Variants in NEBL observed in about 807,000 individuals in gnomAD.
NEBL encodes the protein LIM and SH3 protein 2.
Under a neutral mutation model 140.2 loss-of-function variants are expected in NEBL, and 122 were observed. That is an observed-to-expected ratio of 0.87 (90% CI 0.75 to 1.01). NEBL has a LOEUF of 1.01. NEBL is among the 50% of genes least tolerant of loss of function. NEBL has a pLI of 0.00. For missense variants in NEBL, 1,365 were observed against 1,231.3 expected (o/e 1.11, Z -1.62); for synonymous variants, 436 against 398.9 (o/e 1.09, Z -1.11).
chr10:21,141,572 GTGT>G (rs1252634488), intron 2 of NEBL, among the ~76,000 whole-genome samples: 3 of 152,276 alleles, frequency 2.0e-5, no homozygotes, highest in South Asian at 2.1e-4. Context: ...TAAAGTAAAA[GTGT>G]TGTTGTTTAT....
Position 21,028,254 on chromosome 10 carries a change from A to AAAG in NEBL, c.165-8056_165-8054dup, listed in dbSNP as rs55945604. On this transcript the variant is annotated intron_variant, in intron 2 of 6. Coordinates refer to the NEBL transcript ENST00000417816. ...ACATCTCAAAAAAAAAAAAAAAAAA[A>AAAG]AAGAAGAAGAAGAAGAAGAAGAATG... 4.0e-4 allele frequency among the ~76,000 whole-genome samples: 28 copies of AAAG among 70,320 alleles called. 2 individuals carry two copies. Among genetic ancestry groups the AAAG allele is most frequent in the South Asian group, 7.2e-4 (1 of 1,392 alleles). The allele number at this position is 70,320 out of a possible 152,430, so 46.1% of individuals were successfully genotyped here.
At chr10:21,185,373 G>T (rs964976180) in intron 3 of NEBL, among the ~76,000 whole-genome samples, 1 of 152,032 alleles carries the variant, frequency 6.6e-6, no homozygotes, top group Non-Finnish European at 1.5e-5. Context: ...AACTCCTGGG[G>T]GTCAGGGAGT....
chr10:21,040,933 C>T (rs1011085667), intron 2 of NEBL, among the ~76,000 whole-genome samples: 3 of 152,150 alleles, frequency 2.0e-5, no homozygotes, highest in African/African-American at 7.2e-5. Context: ...ACCTAAGTTT[C>T]CCGAAGCCTC....
upstream of NEBL, chr10:20,897,325 C>A: frequency 6.7e-7 from 1 of 1,493,376 alleles, no homozygotes; most frequent in Non-Finnish European, 8.8e-7. Context: ...CTTGCCCAAG[C>A]CTCAGCCCTA....
intron 4 of NEBL, among the ~76,000 whole-genome samples, chr10:20,926,574 C>A (rs1379491654): frequency 2.0e-5 from 3 of 152,112 alleles, no homozygotes; most frequent in Admixed American, 2.0e-4. Context: ...ACATTCTATT[C>A]CTTAGGGGCA....
At chr10:21,025,009 T>G (rs1264106421) in intron 2 of NEBL, among the ~76,000 whole-genome samples, 1 of 152,200 alleles carries the variant, frequency 6.6e-6, no homozygotes, top group Admixed American at 6.5e-5. Flanking sequence ...AAAATTGTCT[T>G]GAATAGAAAT....
chr10:21,077,202 AT>A (rs1426573177), intron 2 of NEBL, among the ~76,000 whole-genome samples: 1 of 151,964 alleles, frequency 6.6e-6, no homozygotes, highest in Non-Finnish European at 1.5e-5. Flanking sequence ...CTTAAAACTC[AT>A]GCTTAATCTA....
At chr10:21,160,864 G>GA (rs11314209) in intron 2 of NEBL, among the ~76,000 whole-genome samples, 230 of 145,262 alleles carry the variant, frequency 1.6e-3, no homozygotes, top group Admixed American at 4.3e-3. Context: ...TTTCCAGGGG[G>GA]AAAAAAAAAA....
At chr10:21,257,571 T>C (rs1051280984) in intron 1 of NEBL, among the ~76,000 whole-genome samples, 3 of 152,124 alleles carry the variant, frequency 2.0e-5, no homozygotes, top group African/African-American at 7.2e-5. Context: ...TCACAAGAGG[T>C]GACAATCTGG....
At chr10:21,113,251 T>A (rs1589247388) in intron 2 of NEBL, 5 of 248,012 alleles carry the variant, frequency 2.0e-5, no homozygotes, top group Admixed American at 4.9e-5. Context: ...TGGAAAAGAC[T>A]CAAAACCATC....
chr10:20,815,899 G>C, intron 21 of NEBL, 182 bp from the exon 22 acceptor site: 1 of 595,732 alleles, frequency 1.7e-6, no homozygotes, highest in Non-Finnish European at 3.0e-6. Flanking sequence ...CTCCCAGGTA[G>C]CTGGGATTAC....
At chr10:21,068,715 C>T (rs1020057878) in intron 2 of NEBL, among the ~76,000 whole-genome samples, 2 of 152,038 alleles carry the variant, frequency 1.3e-5, no homozygotes, top group African/African-American at 2.4e-5. Context: ...TCACCTGCAA[C>T]CAAAAAGTCC....
chr10:20,978,200 TCC>T (rs1213355528), intron 3 of NEBL, among the ~76,000 whole-genome samples: 1 of 152,174 alleles, frequency 6.6e-6, no homozygotes, highest in Non-Finnish European at 1.5e-5. Flanking sequence ...CCATAAATAT[TCC>T]ATCTTCCCCA....
chr10:20,999,792 G>A (rs1837814951), intron 3 of NEBL, among the ~76,000 whole-genome samples: 2 of 152,066 alleles, frequency 1.3e-5, no homozygotes, highest in African/African-American at 2.4e-5. Context: ...GAAGCCTGTC[G>A]TATTTCTTCA....
At chr10:21,093,057 T>C (rs188749597) in intron 2 of NEBL, among the ~76,000 whole-genome samples, 2 of 152,292 alleles carry the variant, frequency 1.3e-5, no homozygotes, top group Admixed American at 6.5e-5. Context: ...CAATTTATTG[T>C]ATTTTATTTT....
At chr10:21,043,652 C>T (rs899496409) in intron 2 of NEBL, among the ~76,000 whole-genome samples, 1 of 152,134 alleles carries the variant, frequency 6.6e-6, no homozygotes, top group Non-Finnish European at 1.5e-5. Context: ...ATATCATCAC[C>T]TTTCCTAGTG....
rs1834400420 is a variant in NEBL at position 21,044,265 on chromosome 10, T to C, written c.165-24064A>G. Among the ~76,000 whole-genome samples the C allele has an allele frequency of 3.3e-5, 5 of 151,784 alleles. No individual in the cohort carries two copies. The South Asian group carries it at 1.0e-3, about 32-fold the overall frequency. On this transcript the variant is annotated intron_variant, in intron 2 of 6. Transcript: ENST00000417816. Reference sequence around the variant, plus strand: ...TACAAAAATTAGCTGGGCGTGGTGGTGGGCGCCTGTAATCCCAGCAGCTCA... The same window carrying C: ...TACAAAAATTAGCTGGGCGTGGTGGCGGGCGCCTGTAATCCCAGCAGCTCA...
chr10:21,193,701 C>A (rs11012571), intron 3 of NEBL, among the ~76,000 whole-genome samples: 6,542 of 152,226 alleles, frequency 0.043, 480 homozygotes, highest in African/African-American at 0.15. Context: ...TGAGGGCTTA[C>A]TCAAGCACAG....
At chr10:21,277,208 C>CT (rs1260862410) in intron 1 of NEBL, among the ~76,000 whole-genome samples, 19,971 of 133,476 alleles carry the variant, frequency 0.15, 2,718 homozygotes, top group African/African-American at 0.36. Flanking sequence ...ATATTTCTTT[C>CT]TTTTTTTTTT....
Sources: gnomAD v4.1 joint callset for allele counts (sites outside exome capture counted in the v4.1 genomes callset) on GRCh38, gnomAD v4.1.1 for gene constraint, MANE v1.5 for transcripts, NCBI Gene and HGNC (gene_info 2026-07-23, HGNC 2026-07-21) for gene names.